The following USP6NL variants were observed in gnomAD, a reference collection of about 807,000 sequenced individuals.
USP6NL encodes the protein USP6 N-terminal-like protein.
A neutral mutation model predicts 61.9 loss-of-function variants in USP6NL; 26 were observed. The observed-to-expected ratio is 0.42, with a 90% CI of 0.31 to 0.58. The LOEUF (loss-of-function observed/expected upper bound fraction) is 0.58. Among genes scored for constraint, USP6NL ranks in the 20% least tolerant of loss-of-function variants. The pLI is 0.16. For synonymous variants in USP6NL, 432 were observed against 390.1 expected, an observed-to-expected ratio of 1.11 and a Z score of -1.27; for missense variants, 1,114 against 1,034.3, an observed-to-expected ratio of 1.08 and a Z score of -1.06.
chr10:11,500,064 A>G (rs1428956402), intron 7 of USP6NL, among the ~76,000 whole-genome samples: 1 of 152,184 alleles, frequency 6.6e-6, no homozygotes. Flanking sequence ...AACTAACGCA[A>G]GAACAGAAAA....
chr10:11,490,697 A>G lies in USP6NL; in HGVS notation c.543+135T>C. The G allele has an allele frequency of 1.1e-6, 1 of 875,002 alleles. No individual in the cohort carries two copies. Among genetic ancestry groups the G allele is most frequent in the Non-Finnish European group, 1.7e-6 (1 of 571,628 alleles). 54.2% of individuals were successfully genotyped at this position (875,002 alleles called of 1,614,324 possible). ...GGGTTATCACAGGGTTTCAGCTTAA[A>G]AAGATCCACAGAGCTAAAGAGACCA... On this transcript the variant is annotated intron_variant, in intron 9 of 14. Coordinates refer to ENST00000609104, the MANE Select transcript of USP6NL (RefSeq NM_014688.5). The surrounding 1 kb of genome is among the most constrained non-coding windows in gnomAD (Gnocchi z 4.5).
intron 2 of USP6NL, among the ~76,000 whole-genome samples, chr10:11,582,258 G>A (rs904058114): frequency 3.9e-5 from 6 of 152,154 alleles, no homozygotes; most frequent in Admixed American, 6.5e-5. Flanking sequence ...AAGCAACCAC[G>A]CCCAGCCAAT....
chr10:11,521,676 G>A (rs73569133), intron 4 of USP6NL, among the ~76,000 whole-genome samples: 103 of 152,114 alleles, frequency 6.8e-4, no homozygotes, highest in African/African-American at 2.4e-3. Context: ...CACCGCGCCC[G>A]GCCAATGATA....
Position 11,596,623 on chromosome 10 carries a change from CAAA to C in USP6NL, c.4+1005_4+1007del, listed in dbSNP as rs749117055. On this transcript the variant is annotated intron_variant, in intron 2 of 14. Transcript: ENST00000609104. The surrounding 1 kb of genome is among the most constrained non-coding windows in gnomAD (Gnocchi z 4.1). ...TGGGCGACAGAGGGAGACTCCGTCTCAAAAAAAAAAAAAAAAACTCTTTCTTAA... is the reference window on the plus strand; with the variant it reads ...TGGGCGACAGAGGGAGACTCCGTCTCAAAAAAAAAAAAAACTCTTTCTTAA... Among the ~76,000 whole-genome samples, 7 of 63,322 alleles carry C rather than the reference CAAA, an allele frequency of 1.1e-4. No homozygotes were observed. The highest frequency in any genetic ancestry group is 3.7e-4 in the Admixed American group (2 of 5,474). The allele number at this position is 63,322 out of a possible 152,430, so 41.5% of individuals were successfully genotyped here.
chr10:11,501,328 T>A, intron 6 of USP6NL, 120 bp from the exon 7 acceptor site: 1 of 757,468 alleles, frequency 1.3e-6, no homozygotes, highest in Non-Finnish European at 2.1e-6. Flanking sequence ...GGCAATTAAT[T>A]AATACATTTC....
At chr10:11,492,361 C>T (rs34260465) in intron 8 of USP6NL, among the ~76,000 whole-genome samples, 47,794 of 152,084 alleles carry the variant, frequency 0.31, 8,082 homozygotes, top group East Asian at 0.67. Context: ...ATTTTGTAGA[C>T]TGATAAAAAT....
chr10:11,542,655 T>C (rs1439326313), intron 2 of USP6NL, among the ~76,000 whole-genome samples: 1 of 151,566 alleles, frequency 6.6e-6, no homozygotes, highest in Non-Finnish European at 1.5e-5. Context: ...GGAGACAGAG[T>C]TTGCAAGGAG....
At chr10:11,567,738 T>C (rs1837217176) in intron 2 of USP6NL, among the ~76,000 whole-genome samples, 1 of 152,084 alleles carries the variant, frequency 6.6e-6, no homozygotes, top group Non-Finnish European at 1.5e-5. Flanking sequence ...ATAACAAAAA[T>C]ACCAACAGCA....
intron 2 of USP6NL, among the ~76,000 whole-genome samples, chr10:11,580,443 T>C (rs1462098947): frequency 6.6e-6 from 1 of 152,192 alleles, no homozygotes; most frequent in Non-Finnish European, 1.5e-5. Flanking sequence ...GCAATGTGTA[T>C]TATTTATAAT....
At chr10:11,603,670 A>T (rs944266990) in intron 1 of USP6NL, among the ~76,000 whole-genome samples, 1 of 152,242 alleles carries the variant, frequency 6.6e-6, no homozygotes, top group Non-Finnish European at 1.5e-5. Flanking sequence ...CATTTAATAG[A>T]TATTAATTCA....
At position 11,589,346 on chromosome 10, in the gene USP6NL, A is replaced by C. The variant is rs956156187; in HGVS notation, c.4+8285T>G. On this transcript the variant is annotated intron_variant, in intron 2 of 14. Transcript: ENST00000609104. This position sits in a 1 kb window ranked among gnomAD's most constrained non-coding sequence, Gnocchi z 4.7. The stretch of plus-strand genomic sequence containing the variant: ...CTGCTGTACCATAATTGTCAAAAGT[A>C]AACAGTTTGCAATGCTCTTCCAACA... 3.9e-5 allele frequency among the ~76,000 whole-genome samples: 6 copies of C among 152,228 alleles called. No individual in the cohort carries two copies. The highest frequency in any genetic ancestry group is 8.8e-5 in the Non-Finnish European group (6 of 68,040).
chr10:11,603,467 T>C (rs1401709560), intron 1 of USP6NL, among the ~76,000 whole-genome samples: 1 of 152,158 alleles, frequency 6.6e-6, no homozygotes, highest in East Asian at 1.9e-4. Context: ...AAATGAAGGA[T>C]ACAATATATC....
At chr10:11,542,307 A>T (rs183276699) in intron 2 of USP6NL, among the ~76,000 whole-genome samples, 1 of 152,352 alleles carries the variant, frequency 6.6e-6, no homozygotes, top group Admixed American at 6.5e-5. Flanking sequence ...AACTGTAAAT[A>T]ATGTGAAAAA....
Position 11,525,373 on chromosome 10 carries a change from CTA to C in USP6NL, c.155+11_155+12del, listed in dbSNP as rs764017986. 6.3e-7 allele frequency: 1 copy of C among 1,584,082 alleles called. No individual in the cohort carries two copies. Among genetic ancestry groups the C allele is most frequent in the East Asian group, 2.3e-5 (1 of 43,622 alleles). On this transcript the variant is annotated intron_variant, in intron 4 of 14. Transcript: ENST00000609104. This position sits in a 1 kb window ranked among gnomAD's most constrained non-coding sequence, Gnocchi z 5.0. The stretch of plus-strand genomic sequence containing the variant: ...ATAATCTAAAAAGCAAGCTTTCAAT[CTA>C]TGTGACTTACTGTAAAAAGCCAAAT...
At position 11,592,154 on chromosome 10, in the gene USP6NL, G is replaced by A. The variant is rs1307613390; in HGVS notation, c.4+5477C>T. Among the ~76,000 whole-genome samples the A allele has an allele frequency of 6.6e-6, 1 of 152,152 alleles. No individual in the cohort carries two copies. Among genetic ancestry groups the A allele is most frequent in the Admixed American group, 6.5e-5 (1 of 15,270 alleles). ...CCCAAAGTATTGGCATTACAGCCGT[G>A]AGCCACCACACTCGGCCTCAGAATT... On this transcript the variant is annotated intron_variant, in intron 2 of 14. Coordinates refer to ENST00000609104, the MANE Select transcript of USP6NL (RefSeq NM_014688.5). This position sits in a 1 kb window ranked among gnomAD's most constrained non-coding sequence, Gnocchi z 4.7.
chr10:11,573,968 T>TAAACA lies in USP6NL; in HGVS notation c.4+23658_4+23662dup, dbSNP rs59923388. The TAAACA allele has an allele frequency of 2.9e-3, 806 of 273,608 alleles. 6 individuals carry two copies. Among genetic ancestry groups the TAAACA allele is most frequent in the African/African-American group, 0.017 (769 of 45,606 alleles). The allele number at this position is 273,608 out of a possible 1,614,324, so 16.9% of individuals were successfully genotyped here. On this transcript the variant is annotated intron_variant, in intron 2 of 14. Transcript: ENST00000609104. ...TACTATGCACAGCCTTAACTAGTTATAAACAAAACAAAACAAAATGTGGGT... is the reference window on the plus strand; with the variant it reads ...TACTATGCACAGCCTTAACTAGTTATAAACAAAACAAAACAAAACAAAATGTGGGT...
At chr10:11,516,708 G>C (rs547877024) in intron 5 of USP6NL, among the ~76,000 whole-genome samples, 6 of 152,078 alleles carry the variant, frequency 3.9e-5, no homozygotes, top group African/African-American at 1.4e-4. Context: ...TGAATATAAA[G>C]TTATATCTTA....
At chr10:11,469,800 A>G (rs984851729) in intron 14 of USP6NL, among the ~76,000 whole-genome samples, 24 of 152,196 alleles carry the variant, frequency 1.6e-4, no homozygotes, top group African/African-American at 4.8e-4. Flanking sequence ...AAACAGTGCC[A>G]GCTCACTCCT....
In USP6NL at chr10:11,532,655, A is replaced by G. The variant is rs991061905; in HGVS notation, c.5-5088T>C. Among the ~76,000 whole-genome samples, 3 of 152,206 alleles carry G rather than the reference A, an allele frequency of 2.0e-5. No individual in the cohort carries two copies. The highest frequency in any genetic ancestry group is 7.2e-5 in the African/African-American group (3 of 41,442). Reference sequence around the variant, plus strand: ...TTTCTTATTTCTTATTAAAAATAAAACTTGTCACAGAGCAACAAAAAAATT... The same window carrying G: ...TTTCTTATTTCTTATTAAAAATAAAGCTTGTCACAGAGCAACAAAAAAATT... On this transcript the variant is annotated intron_variant, in intron 2 of 14. Coordinates refer to ENST00000609104, the MANE Select transcript of USP6NL (RefSeq NM_014688.5). The surrounding 1 kb of genome is among the most constrained non-coding windows in gnomAD (Gnocchi z 4.1).
Sources: allele counts gnomAD v4.1 joint callset (sites outside exome capture counted in the v4.1 genomes callset), GRCh38; gene constraint gnomAD v4.1.1; non-coding constraint Gnocchi (gnomAD v3.1); transcripts MANE v1.5; gene names NCBI Gene and HGNC (gene_info 2026-07-23, HGNC 2026-07-21).